GPC1: variants seen among roughly 807,000 people sequenced by gnomAD.
GPC1 encodes glypican-1.
A neutral mutation model predicts 51.5 loss-of-function variants in GPC1; 26 were observed. The ratio of observed to expected loss-of-function variants is 0.50; its 90% CI spans 0.37 to 0.70. The LOEUF (loss-of-function observed/expected upper bound fraction) is 0.70. Ranked by LOEUF, GPC1 falls within the 30% of genes least tolerant of loss-of-function variation. The pLI, the probability that GPC1 is intolerant of heterozygous loss-of-function variation, is 0.00. For synonymous variants in GPC1, 380 were observed against 348.3 expected, an observed-to-expected ratio of 1.09 and a Z score of -1.01; for missense variants, 775 against 800.5, an observed-to-expected ratio of 0.97 and a Z score of 0.38.
Position 240,467,682 on chromosome 2 carries a change from C to T in GPC1, c.*1392C>T, listed in dbSNP as rs181321961. On this transcript the variant is annotated 3_prime_UTR_variant, in exon 9 of 9. Transcript: ENST00000264039. ...TTAGTGCTGCTTTGCTTTTCATCAC[C>T]GTCCCGCACAGTGGACGGAGGTCCC... 4.6e-5 allele frequency: 7 copies of T among 152,256 alleles called. No homozygotes were observed. The highest frequency in any genetic ancestry group is 3.3e-4 in the Admixed American group (5 of 15,304). 9.4% of individuals were successfully genotyped at this position (152,256 alleles called of 1,614,324 possible).
Position 240,462,553 on chromosome 2 carries a change from G to T in GPC1, c.688G>T (p.Ala230Ser). Residue 230 changes from alanine to serine, a missense_variant, in exon 3 of 9, where the codon GCC (alanine) becomes TCC (serine). By Grantham distance (99) the Ala-to-Ser change is moderately conservative. Coordinates refer to ENST00000264039, the MANE Select transcript of GPC1 (RefSeq NM_002081.3). ...ARSFVQGLGV[A>S]SDVVRKVAQV... ...CTCCTTTGTGCAGGGCCTGGGCGTG[G>T]CCAGCGACGTGGTCCGGAAAGTGGC... 6.5e-7 allele frequency: 1 copy of T among 1,538,056 alleles called. No homozygotes were observed. The highest frequency in any genetic ancestry group is 1.2e-5 in the South Asian group (1 of 82,832).
At chr2:240,465,762 C>G in intron 8 of GPC1, 114 bp downstream of exon 8, 1 of 856,932 alleles carries the variant, frequency 1.2e-6, no homozygotes, top group South Asian at 1.6e-5. Flanking sequence ...CCGGCATCAC[C>G]ACAGTGAGTC....
chr2:240,462,229 C>T lies in GPC1; in HGVS notation c.364C>T (p.Leu122=). ...CCTGCTGAACGACTCGGAGCGGACG[C>T]TGCAGGCCACCTTCCCCGGCGCCTT... ...QHLLNDSERT[L]QATFPGAFGE... is the part of the protein sequence containing the mutation. Residue 122 remains leucine, a synonymous_variant, in exon 3 of 9, where the codon CTG becomes TTG. Transcript: ENST00000264039. The T allele has an allele frequency of 9.3e-6, 15 of 1,610,088 alleles. No homozygotes were observed. Among genetic ancestry groups the T allele is most frequent in the African/African-American group, 1.3e-5 (1 of 74,992 alleles).
chr2:240,459,181 C>G lies in GPC1; in HGVS notation c.318C>G (p.Ser106Arg), dbSNP rs759828837. 1.2e-6 allele frequency: 2 copies of G among 1,611,678 alleles called. No individual in the cohort carries two copies. Among genetic ancestry groups the G allele is most frequent in the South Asian group, 2.2e-5 (2 of 90,968 alleles). Residue 106 changes from serine to arginine, a missense_variant, in exon 2 of 9, where the codon AGC (serine) becomes AGG (arginine). Ser to Arg is a moderately radical substitution (Grantham distance 110). Coordinates refer to ENST00000264039, the MANE Select transcript of GPC1 (RefSeq NM_002081.3). ...LQAMLATQLR[S>R]FDDHFQHLLN... is the part of the protein sequence containing the mutation. ...CCATGCTTGCCACCCAGCTGCGCAG[C>G]TTCGATGGTGAGTGCCTCCCACGGG...
In GPC1 at chr2:240,464,912, G is replaced by T; in HGVS notation, c.1071G>T (p.Glu357Asp). ...ACCCCCAGGGCCCCGGGCCTGAGGAGAAGCGGCGCCGGGGCAAGCTGGCCC... is the reference window on the plus strand; with the variant it reads ...ACCCCCAGGGCCCCGGGCCTGAGGATAAGCGGCGCCGGGGCAAGCTGGCCC... ...KVNPQGPGPE[E>D]KRRRGKLAPR... Residue 357 changes from glutamate (E) to aspartate (D), a missense_variant, in exon 6 of 9, where the codon GAG becomes GAT. Glu to Asp is a conservative substitution (Grantham distance 45, BLOSUM62 2). Coordinates refer to ENST00000264039, the MANE Select transcript of GPC1 (RefSeq NM_002081.3). 6.4e-7 allele frequency: 1 copy of T among 1,551,584 alleles called. No homozygotes were observed. Among genetic ancestry groups the T allele is most frequent in the South Asian group, 1.2e-5 (1 of 84,192 alleles).
rs2074063501 is a variant in GPC1, at chr2:240,448,034, C to A, written c.167-10996C>A. ...TGCTGCCAGGCCATTCTGGGTGGAA[C>A]ACAGTGTCCCCAGGGCACAGTGACA... On this transcript the variant is annotated intron_variant, in intron 1 of 8. Transcript: ENST00000264039. The surrounding 1 kb of genome is among the most constrained non-coding windows in gnomAD (Gnocchi z 4.5). Among the ~76,000 whole-genome samples the A allele has an allele frequency of 6.6e-6, 1 of 152,174 alleles. No homozygotes were observed. The highest frequency in any genetic ancestry group is 2.1e-4 in the South Asian group (1 of 4,822).
At chr2:240,459,002 T>C in intron 1 of GPC1, 28 bp from the exon 2 acceptor site, 1 of 1,606,802 alleles carries the variant, frequency 6.2e-7, no homozygotes, top group South Asian at 1.1e-5. Flanking sequence ...TCCCAGCCCC[T>C]CTCCCTCACA....
intron 1 of GPC1, among the ~76,000 whole-genome samples, chr2:240,445,287 G>C (rs2074042043): frequency 6.6e-6 from 1 of 152,182 alleles, no homozygotes; most frequent in Admixed American, 6.5e-5. Context: ...TACCTGGGAA[G>C]GTCCCCTGGG....
At chr2:240,461,589 C>G (rs2074216353) in intron 2 of GPC1, among the ~76,000 whole-genome samples, 1 of 152,138 alleles carries the variant, frequency 6.6e-6, no homozygotes, top group African/African-American at 2.4e-5. Context: ...TTCTAGGCTG[C>G]AGGAGGCCCC....
intron 1 of GPC1, chr2:240,450,754 C>T (rs1295345050): frequency 2.1e-6 from 1 of 469,974 alleles, no homozygotes; most frequent in East Asian, 7.0e-5. Context: ...GGGCAGATTC[C>T]CCCCGACATC....
intron 1 of GPC1, among the ~76,000 whole-genome samples, chr2:240,438,127 G>T (rs1446931070): frequency 6.6e-6 from 1 of 152,236 alleles, no homozygotes; most frequent in Non-Finnish European, 1.5e-5. Context: ...CACGGTGCCA[G>T]CCATGGGCCA....
intron 4 of GPC1, chr2:240,464,081 G>T (rs574698345): frequency 9.7e-6 from 2 of 205,428 alleles, no homozygotes; most frequent in Admixed American, 5.2e-5. Context: ...GTGCCAACAC[G>T]TGCTAGCATG....
At chr2:240,441,570 G>A (rs540647474) in intron 1 of GPC1, among the ~76,000 whole-genome samples, 1 of 152,342 alleles carries the variant, frequency 6.6e-6, no homozygotes, top group Admixed American at 6.5e-5. Flanking sequence ...GAGCCGGCCT[G>A]GATCTTGCCA....
intron 4 of GPC1, chr2:240,464,391 C>A (rs929471574): frequency 5.5e-5 from 31 of 558,998 alleles, no homozygotes; most frequent in Non-Finnish European, 9.3e-5. Flanking sequence ...TGCGTGTTCA[C>A]CTGTGCCCGT....
Position 240,466,173 on chromosome 2 carries a change from C to A in GPC1, c.1560C>A (p.Gly520=). Residue 520 remains glycine (G), a synonymous_variant, in exon 9 of 9, where the codon GGC becomes GGA. Transcript: ENST00000264039. The part of the protein sequence containing the change: ...SRTPLTHALP[G]LSEQEGQKTS... ...CGCCCTTGACCCATGCCCTCCCAGG[C>A]CTGTCAGAGCAGGAAGGACAGAAGA... 2 of 1,612,638 alleles carry A rather than the reference C, an allele frequency of 1.2e-6. No individual in the cohort carries two copies. Among genetic ancestry groups the A allele is most frequent in the Non-Finnish European group, 1.7e-6 (2 of 1,179,228 alleles).
rs1474137904 is a variant in GPC1 at position 240,462,261 on chromosome 2, G to A, written c.396G>A (p.Glu132=). 3 of 1,610,854 alleles carry A rather than the reference G, an allele frequency of 1.9e-6. No individual in the cohort carries two copies. In the African/African-American group the frequency reaches 4.0e-5, roughly 22 times the overall value. The stretch of plus-strand genomic sequence containing the variant: ...CCACCTTCCCCGGCGCCTTCGGAGA[G>A]CTGTACACGCAGAACGCGAGGGCCT... ...LQATFPGAFG[E]LYTQNARAFR... The change falls in exon 3 of 9, where the codon GAG becomes GAA. Residue 132 remains glutamate, a synonymous_variant. Transcript: ENST00000264039.
rs551416095 is a variant in GPC1 at position 240,462,041 on chromosome 2, G to T, written c.326-150G>T. On this transcript the variant is annotated intron_variant, in intron 2 of 8. Transcript: ENST00000264039. ...TCGGGGCGCCCCATGGATGCCCACA[G>T]GGCCCACAGCCGCTGCAGTGTGGCG... 11 of 769,574 alleles carry T rather than the reference G, an allele frequency of 1.4e-5. No homozygotes were observed. The South Asian group carries it at 2.2e-4, about 15-fold the overall frequency. 47.7% of individuals were successfully genotyped at this position (769,574 alleles called of 1,614,324 possible). A position where few individuals can be genotyped will look rare whatever the true frequency, so the allele number is the denominator to read the frequency against.
In GPC1 at chr2:240,436,100, G is replaced by A. The variant is rs1026699295; in HGVS notation, c.166+16G>A. 8 of 1,273,440 alleles carry A rather than the reference G, an allele frequency of 6.3e-6. No homozygotes were observed. The highest frequency in any genetic ancestry group is 7.9e-6 in the Non-Finnish European group (8 of 1,009,526). 78.9% of individuals were successfully genotyped at this position (1,273,440 alleles called of 1,614,324 possible). On this transcript the variant is annotated intron_variant, in intron 1 of 8. Transcript: ENST00000264039. ...GAGATCTCGGGTGAGTGAGGGCGCG[G>A]CGCCGGGAACCCGGGCCTGGCCGGG...
chr2:240,458,392 C>T (rs1213709485), intron 1 of GPC1: 1 of 229,440 alleles, frequency 4.4e-6, no homozygotes, highest in African/African-American at 2.2e-5. Context: ...GAGGGGACTC[C>T]ACAAGGACAC....
Sources: allele counts gnomAD v4.1 joint callset (sites outside exome capture counted in the v4.1 genomes callset), GRCh38; gene constraint gnomAD v4.1.1; non-coding constraint Gnocchi (gnomAD v3.1); transcripts MANE v1.5; gene names NCBI Gene and HGNC (gene_info 2026-07-23, HGNC 2026-07-21).